The following PALD1 variants were observed in gnomAD, a reference collection of about 807,000 sequenced individuals.
The protein encoded by PALD1 is phosphatase domain containing paladin 1.
Under a neutral mutation model 96.0 loss-of-function variants are expected in PALD1, and 57 were observed. The ratio of observed to expected loss-of-function variants is 0.59; its 90% CI spans 0.48 to 0.74. The LOEUF (loss-of-function observed/expected upper bound fraction) is 0.74. Ranked by LOEUF, PALD1 falls within the 30% of genes least tolerant of loss-of-function variation. The probability of loss-of-function intolerance (pLI) is 0.00; values close to 1 mark genes in which losing one functional copy is unlikely to be tolerated. For synonymous variants in PALD1, 464 were observed against 473.6 expected, an observed-to-expected ratio of 0.98 and a Z score of 0.26; for missense variants, 1,063 against 1,143.7, an observed-to-expected ratio of 0.93 and a Z score of 1.02.
Position 70,537,841 on chromosome 10 carries a change from A to G in PALD1, c.1258A>G (p.Arg420Gly), listed in dbSNP as rs1032653011. 20 of 1,613,454 alleles carry G rather than the reference A, an allele frequency of 1.2e-5. No homozygotes were observed. The East Asian group carries it at 4.2e-4, about 34-fold the overall frequency. ...GSGSRHSVWQ[R>G]ALWSLERYFY... ...CGGCAGCCGACACAGCGTCTGGCAG[A>G]GGGCGCTGTGGAGCCTGGAGCGATA... Residue 420 changes from arginine (R) to glycine (G), a missense_variant, in exon 11 of 20, where the codon AGG (arginine) becomes GGG (glycine). Physicochemically the swap from Arg to Gly is moderately radical, Grantham distance 125. Transcript: ENST00000263563.
intron 18 of PALD1, among the ~76,000 whole-genome samples, chr10:70,553,690 G>A (rs189699137): frequency 2.0e-5 from 3 of 152,330 alleles, no homozygotes; most frequent in Middle Eastern, 3.4e-3. Flanking sequence ...AGATTTAGGA[G>A]GGGGACAAGA....
intron 1 of PALD1, among the ~76,000 whole-genome samples, chr10:70,521,557 G>A (rs1179955804): frequency 6.6e-6 from 1 of 151,952 alleles, no homozygotes; most frequent in African/African-American, 2.4e-5. Flanking sequence ...TTTCGAGATG[G>A]AGTCTTGCTC....
intron 1 of PALD1, among the ~76,000 whole-genome samples, chr10:70,517,851 T>C (rs1846649861): frequency 6.6e-6 from 1 of 152,178 alleles, no homozygotes; most frequent in Non-Finnish European, 1.5e-5. Context: ...AGTTTTGAGG[T>C]TCACCCATAT....
intron 1 of PALD1, among the ~76,000 whole-genome samples, chr10:70,497,107 G>T (rs893325081): frequency 6.6e-6 from 1 of 152,228 alleles, no homozygotes; most frequent in Non-Finnish European, 1.5e-5. Context: ...CAGAGCGAGT[G>T]GCCAGACTGC....
intron 1 of PALD1, among the ~76,000 whole-genome samples, chr10:70,490,175 G>A (rs533132502): frequency 1.6e-4 from 24 of 151,666 alleles, no homozygotes; most frequent in Admixed American, 5.9e-4. Flanking sequence ...CATCTGCCTC[G>A]GCCTCCCATA....
At chr10:70,520,104 G>A (rs1309605826) in intron 1 of PALD1, among the ~76,000 whole-genome samples, 1 of 152,152 alleles carries the variant, frequency 6.6e-6, no homozygotes, top group Non-Finnish European at 1.5e-5. Flanking sequence ...TGTGCCAGAG[G>A]GTCTGGGATT....
chr10:70,478,824 G>C lies in PALD1; in HGVS notation c.-265G>C, dbSNP rs1324337841. The C allele has an allele frequency of 6.6e-6, 1 of 151,670 alleles. No individual in the cohort carries two copies. Among genetic ancestry groups the C allele is most frequent in the African/African-American group, 2.4e-5 (1 of 41,386 alleles). The allele number at this position is 151,670 out of a possible 1,614,324, so 9.4% of individuals were successfully genotyped here. A position where few individuals can be genotyped will look rare whatever the true frequency, so the allele number is the denominator to read the frequency against. Reference sequence around the variant, plus strand: ...CGGCGCGCACGGGCCGGGGCGCGCAGGTCCCGTCGCCGGTGAGCACGGGCT... The same window carrying C: ...CGGCGCGCACGGGCCGGGGCGCGCACGTCCCGTCGCCGGTGAGCACGGGCT... On this transcript the variant is annotated 5_prime_UTR_variant, in exon 1 of 20. Transcript: ENST00000263563.
chr10:70,556,281 T>TCCCTCTCTCCCTCTCC (rs1554862626), intron 18 of PALD1, among the ~76,000 whole-genome samples: 1 of 136,544 alleles, frequency 7.3e-6, no homozygotes. Context: ...AGCCGAGACC[T>TCCCTCTCTCCCTCTCC]CTCTCTCTCT....
chr10:70,497,704 C>G (rs747613722), intron 1 of PALD1, among the ~76,000 whole-genome samples: 3 of 151,880 alleles, frequency 2.0e-5, no homozygotes, highest in Non-Finnish European at 4.4e-5. Context: ...GTAGCTGGGA[C>G]TACAGGCGTG....
At chr10:70,534,108 G>C (rs1343909891) in intron 8 of PALD1, 35 bp downstream of exon 8, 1 of 1,535,028 alleles carries the variant, frequency 6.5e-7, no homozygotes, top group Non-Finnish European at 8.8e-7. Flanking sequence ...CTGAAGGGCT[G>C]TGGGGCCGAG....
the PALD1 span, among the ~76,000 whole-genome samples, chr10:70,471,395 T>A: frequency 7.9e-5 from 12 of 152,242 alleles, no homozygotes; most frequent in Admixed American, 2.6e-4. Context: ...GACTTATTCA[T>A]CACCTTAGAG....
At chr10:70,529,464 C>T (rs577108241) in intron 3 of PALD1, 133 bp downstream of exon 3, 2 of 620,046 alleles carry the variant, frequency 3.2e-6, no homozygotes, top group East Asian at 5.7e-5. Context: ...ACGGGCAGGG[C>T]CCTAGGATGG....
chr10:70,494,789 T>C (rs904632270), intron 1 of PALD1, among the ~76,000 whole-genome samples: 5 of 152,234 alleles, frequency 3.3e-5, no homozygotes, highest in African/African-American at 1.2e-4. Context: ...TGTCCTCCAT[T>C]CTGCAGACAG....
rs1453629188 is a variant in PALD1 at position 70,478,858 on chromosome 10, C to T, written c.-231C>T. The T allele has an allele frequency of 6.6e-6, 1 of 151,838 alleles. No individual in the cohort carries two copies. The highest frequency in any genetic ancestry group is 1.5e-5 in the Non-Finnish European group (1 of 67,950). The allele number at this position is 151,838 out of a possible 1,614,324, so 9.4% of individuals were successfully genotyped here. A position where few individuals can be genotyped will look rare whatever the true frequency, so the allele number is the denominator to read the frequency against. ...GCCGGTGAGCACGGGCTCCCTCTCGCGTGGCCTCGCCGGGTCCGCCTGGCC... is the reference window on the plus strand; with the variant it reads ...GCCGGTGAGCACGGGCTCCCTCTCGTGTGGCCTCGCCGGGTCCGCCTGGCC... On this transcript the variant is annotated 5_prime_UTR_variant, in exon 1 of 20. Transcript: ENST00000263563.
the PALD1 span, among the ~76,000 whole-genome samples, chr10:70,458,525 C>T: frequency 1.3e-5 from 2 of 152,226 alleles, no homozygotes; most frequent in African/African-American, 4.8e-5. Flanking sequence ...AGCCGAAGAG[C>T]AGACGGGCTG....
rs954032985 is a variant in PALD1 at position 70,539,513 on chromosome 10, G to T, written c.1726-67G>T. ...GGGCCAGGCCTGGCCATGGCAGGCT[G>T]TGGCCTTTCAGGGCTAGCCTAGAGC... On this transcript the variant is annotated intron_variant, in intron 14 of 19. Transcript: ENST00000263563. This position sits in a 1 kb window ranked among gnomAD's most constrained non-coding sequence, Gnocchi z 4.5. 3 of 1,406,968 alleles carry T rather than the reference G, an allele frequency of 2.1e-6. No individual in the cohort carries two copies. Among genetic ancestry groups the T allele is most frequent in the Non-Finnish European group, 2.9e-6 (3 of 1,041,088 alleles). 87.2% of individuals were successfully genotyped at this position (1,406,968 alleles called of 1,614,324 possible).
At chr10:70,482,287 T>C (rs974687463) in intron 1 of PALD1, among the ~76,000 whole-genome samples, 1 of 152,158 alleles carries the variant, frequency 6.6e-6, no homozygotes, top group African/African-American at 2.4e-5. Flanking sequence ...GTATGGAAGC[T>C]TGGGCCTGCT....
intron 18 of PALD1, among the ~76,000 whole-genome samples, chr10:70,563,413 T>G (rs1041900695): frequency 6.6e-6 from 1 of 152,206 alleles, no homozygotes; most frequent in Non-Finnish European, 1.5e-5. Context: ...CTGGGAAATC[T>G]CTCTTTAATT....
At chr10:70,489,240 C>G (rs888602784) in intron 1 of PALD1, among the ~76,000 whole-genome samples, 6 of 152,126 alleles carry the variant, frequency 3.9e-5, no homozygotes, top group African/African-American at 1.4e-4. Context: ...TTTTCACCCT[C>G]CTGGCCCCAC....
Sources: gnomAD v4.1 joint callset for allele counts (sites outside exome capture counted in the v4.1 genomes callset) on GRCh38, gnomAD v4.1.1 for gene constraint, Gnocchi (gnomAD v3.1) non-coding constraint, MANE v1.5 for transcripts, NCBI Gene and HGNC (gene_info 2026-07-23, HGNC 2026-07-21) for gene names.